C1orf21: variants seen among roughly 807,000 people sequenced by gnomAD.
C1orf21 encodes the protein uncharacterized protein C1orf21.
C1orf21 carries 3 observed loss-of-function variants against 18.7 expected under a neutral mutation model. The ratio of observed to expected loss-of-function variants is 0.16; its 90% CI spans 0.07 to 0.42. C1orf21 has a LOEUF of 0.42. C1orf21 is among the 10% of genes least tolerant of loss of function. The pLI is 0.99. For synonymous variants in C1orf21, 41 were observed against 46.4 expected (o/e 0.88, Z 0.47); for missense variants, 104 against 143.6 (o/e 0.72, Z 1.41).
intron 3 of C1orf21, among the ~76,000 whole-genome samples, chr1:184,510,000 T>C (rs1658121286): frequency 1.3e-5 from 2 of 152,176 alleles, no homozygotes; most frequent in Non-Finnish European, 2.9e-5. Flanking sequence ...CTGCGTGAGA[T>C]GATAGTCGTA....
intron 3 of C1orf21, among the ~76,000 whole-genome samples, chr1:184,579,941 A>T (rs1201081942): frequency 6.6e-6 from 1 of 152,166 alleles, no homozygotes; most frequent in East Asian, 1.9e-4. Flanking sequence ...CTCTTGCAAA[A>T]TTGCCCTTGC....
chr1:184,616,735 G>GTC (rs926652325), intron 5 of C1orf21, among the ~76,000 whole-genome samples: 97 of 151,976 alleles, frequency 6.4e-4, no homozygotes, highest in African/African-American at 2.2e-3. Context: ...ACGTGTGTGT[G>GTC]TGTGTGTGTG....
Position 184,506,850 on chromosome 1 carries a change from T to TA in C1orf21, c.95-737dup, listed in dbSNP as rs1018057399. 3.3e-5 allele frequency among the ~76,000 whole-genome samples: 5 copies of TA among 152,156 alleles called. No individual in the cohort carries two copies. In the East Asian group the frequency reaches 9.6e-4, roughly 29 times the overall value. Reference sequence around the variant, plus strand: ...TTCTCTGTCTGGCTGTTGCGGAGGCTAGGTCCCATCCACATCCCACTATAC... The same window carrying TA: ...TTCTCTGTCTGGCTGTTGCGGAGGCTAAGGTCCCATCCACATCCCACTATAC... On this transcript the variant is annotated intron_variant, in intron 2 of 5. Transcript: ENST00000235307.
intron 1 of C1orf21, among the ~76,000 whole-genome samples, chr1:184,408,814 C>T (rs562168425): frequency 1.4e-4 from 22 of 152,264 alleles, no homozygotes; most frequent in African/African-American, 4.8e-4. Flanking sequence ...GTTGTGAGGC[C>T]GATCAGGTTT....
chr1:184,551,105 CACAG>C (rs1382657471), intron 3 of C1orf21, among the ~76,000 whole-genome samples: 1 of 152,122 alleles, frequency 6.6e-6, no homozygotes, highest in East Asian at 1.9e-4. Flanking sequence ...CCTTGAAATG[CACAG>C]ACAGACAGCA....
intron 1 of C1orf21, among the ~76,000 whole-genome samples, chr1:184,428,826 A>T (rs971434736): frequency 2.0e-5 from 3 of 152,040 alleles, no homozygotes; most frequent in African/African-American, 4.8e-5. Context: ...TGAACCTGGG[A>T]TGAGATTTTG....
At chr1:184,456,542 C>T (rs191484629) in intron 1 of C1orf21, among the ~76,000 whole-genome samples, 340 of 152,234 alleles carry the variant, frequency 2.2e-3, no homozygotes, top group Admixed American at 3.9e-3. Flanking sequence ...TATTCTTTTA[C>T]GGTAAAGACA....
chr1:184,474,495 A>AT (rs1557981402), intron 1 of C1orf21, among the ~76,000 whole-genome samples: 1 of 152,194 alleles, frequency 6.6e-6, no homozygotes, highest in African/African-American at 2.4e-5. Flanking sequence ...TTCAAATAAA[A>AT]TTTTTTTGTG....
intron 1 of C1orf21, among the ~76,000 whole-genome samples, chr1:184,431,507 A>G (rs1656761856): frequency 6.6e-6 from 1 of 152,250 alleles, no homozygotes; most frequent in African/African-American, 2.4e-5. Flanking sequence ...ACCTAAAACC[A>G]TAAAAACCCT....
intron 3 of C1orf21, among the ~76,000 whole-genome samples, chr1:184,558,224 T>C (rs1658906860): frequency 6.6e-6 from 1 of 152,168 alleles, no homozygotes; most frequent in Non-Finnish European, 1.5e-5. Context: ...ACCAGCAGCC[T>C]CTTCACATCT....
chr1:184,431,840 C>T (rs1366319544), intron 1 of C1orf21, among the ~76,000 whole-genome samples: 1 of 152,002 alleles, frequency 6.6e-6, no homozygotes, highest in Non-Finnish European at 1.5e-5. Context: ...AAAAAACAAA[C>T]AACCTCATCA....
chr1:184,463,082 CAAA>C (rs397982231), intron 1 of C1orf21, among the ~76,000 whole-genome samples: 1 of 80,308 alleles, frequency 1.2e-5, no homozygotes, highest in Non-Finnish European at 2.5e-5. Flanking sequence ...GACTCCATCT[CAAA>C]AAAAAAAAAA....
At chr1:184,404,759 T>C (rs1656218464) in intron 1 of C1orf21, among the ~76,000 whole-genome samples, 1 of 152,172 alleles carries the variant, frequency 6.6e-6, no homozygotes, top group Non-Finnish European at 1.5e-5. Flanking sequence ...AATAGCTAAG[T>C]GAATGTTAAC....
chr1:184,410,634 TATATATATATATATATATATA>T lies in C1orf21; in HGVS notation c.-125+23267_-125+23287del, dbSNP rs1656324400. On this transcript the variant is annotated intron_variant, in intron 1 of 5. Transcript: ENST00000235307. The stretch of plus-strand genomic sequence containing the variant: ...CATATATATTATATATATATATATA[TATATATATATATATATATATA>T]TATATATATTTTTTTTTTTTTTTTT... 5.8e-4 allele frequency among the ~76,000 whole-genome samples: 2 copies of T among 3,440 alleles called. 1 individual carries two copies. The highest frequency in any genetic ancestry group is 8.5e-4 in the Non-Finnish European group (2 of 2,346). 2.3% of individuals were successfully genotyped at this position (3,440 alleles called of 152,430 possible).
At chr1:184,514,877 A>G (rs995108498) in intron 3 of C1orf21, among the ~76,000 whole-genome samples, 3 of 152,228 alleles carry the variant, frequency 2.0e-5, no homozygotes, top group Non-Finnish European at 2.9e-5. Context: ...TTAAGGTTTT[A>G]TTAAACAAAA....
intron 5 of C1orf21, among the ~76,000 whole-genome samples, chr1:184,611,786 G>A (rs1260725089): frequency 6.6e-6 from 1 of 152,118 alleles, no homozygotes; most frequent in Non-Finnish European, 1.5e-5. Flanking sequence ...CAGGATAAAG[G>A]CTGTCAAGGA....
intron 3 of C1orf21, among the ~76,000 whole-genome samples, chr1:184,585,921 A>G (rs1051909853): frequency 6.6e-6 from 1 of 152,168 alleles, no homozygotes; most frequent in African/African-American, 2.4e-5. Flanking sequence ...TAGTTCTGCA[A>G]TGCACATGTG....
intron 1 of C1orf21, among the ~76,000 whole-genome samples, chr1:184,459,555 G>A (rs140673123): frequency 2.2e-4 from 34 of 152,288 alleles, no homozygotes; most frequent in South Asian, 1.0e-3. Context: ...AGCTGGCTGA[G>A]AATTGTTATG....
intron 1 of C1orf21, among the ~76,000 whole-genome samples, chr1:184,465,756 G>T (rs1476846045): frequency 6.6e-6 from 1 of 152,190 alleles, no homozygotes; most frequent in African/African-American, 2.4e-5. Context: ...AATGTGATCA[G>T]ATCCTCAATT....
Sources: gnomAD v4.1 joint callset for allele counts (sites outside exome capture counted in the v4.1 genomes callset) on GRCh38, gnomAD v4.1.1 for gene constraint, MANE v1.5 for transcripts, NCBI Gene and HGNC (gene_info 2026-07-23, HGNC 2026-07-21) for gene names.